ANO4: variants seen among roughly 807,000 people sequenced by gnomAD.
ANO4 encodes the protein anoctamin-4.
In ANO4, 69 loss-of-function variants were observed where a neutral mutation model predicts 141.9. The ratio of observed to expected loss-of-function variants is 0.49; its 90% CI spans 0.40 to 0.59. The LOEUF is 0.59. Among genes scored for constraint, ANO4 ranks in the 20% least tolerant of loss-of-function variants. The pLI is 0.00. For synonymous variants in ANO4, 350 were observed against 394.3 expected (o/e 0.89, Z 1.33); for missense variants, 894 against 1,162.2 (o/e 0.77, Z 3.36).
In ANO4 at chr12:100,770,061, A is replaced by G. The variant is rs2033230741; in HGVS notation, c.358+29956A>G. 2.0e-5 allele frequency among the ~76,000 whole-genome samples: 3 copies of G among 152,260 alleles called. No individual in the cohort carries two copies. In the South Asian group the frequency reaches 6.2e-4, roughly 31 times the overall value. ...CGTTATATTACTTTTAGAATTTATA[A>G]AAATGTTTGTCTCTGGTTGAATATT... On this transcript the variant is annotated intron_variant, in intron 3 of 29. Transcript: ENST00000644049.
At chr12:101,084,450 A>C (rs993102525) in intron 16 of ANO4, among the ~76,000 whole-genome samples, 1 of 152,242 alleles carries the variant, frequency 6.6e-6, no homozygotes, top group Non-Finnish European at 1.5e-5. Flanking sequence ...TTACTGAACA[A>C]AACATATGCA....
chr12:100,719,890 A>G (rs553030112), intron 1 of ANO4, among the ~76,000 whole-genome samples: 1 of 152,296 alleles, frequency 6.6e-6, no homozygotes, highest in South Asian at 2.1e-4. Context: ...CTAGACTCAC[A>G]TTCTAGAAAT....
intron 1 of ANO4, among the ~76,000 whole-genome samples, chr12:100,805,726 T>C (rs1942311439): frequency 6.6e-6 from 1 of 152,184 alleles, no homozygotes; most frequent in Admixed American, 6.5e-5. Context: ...TAGCAATCAC[T>C]TTCTTCTTCC....
At chr12:101,096,114 T>G (rs2049971927) in intron 18 of ANO4, among the ~76,000 whole-genome samples, 2 of 152,162 alleles carry the variant, frequency 1.3e-5, no homozygotes, top group Admixed American at 1.3e-4. Flanking sequence ...TGGTATAATA[T>G]GAGAACTAGA....
At chr12:101,061,988 T>A (rs988349226) in intron 14 of ANO4, among the ~76,000 whole-genome samples, 2 of 152,146 alleles carry the variant, frequency 1.3e-5, no homozygotes, top group Non-Finnish European at 2.9e-5. Flanking sequence ...TTCAGCCTTT[T>A]TGTGCTGTTT....
intron 5 of ANO4, among the ~76,000 whole-genome samples, chr12:100,959,816 G>A (rs1172151271): frequency 6.6e-6 from 1 of 152,058 alleles, no homozygotes; most frequent in Non-Finnish European, 1.5e-5. Context: ...ACTTGATCCT[G>A]GGTCCCCTTT....
At chr12:101,127,236 G>A (rs1320360569) in intron 27 of ANO4, among the ~76,000 whole-genome samples, 162 bp downstream of exon 27, 1 of 152,184 alleles carries the variant, frequency 6.6e-6, no homozygotes, top group African/African-American at 2.4e-5. Flanking sequence ...TTTAATCGTT[G>A]CAAATTTTGC....
intron 3 of ANO4, among the ~76,000 whole-genome samples, chr12:100,937,678 C>A (rs2042341481): frequency 6.6e-6 from 1 of 152,132 alleles, no homozygotes; most frequent in South Asian, 2.1e-4. Flanking sequence ...TGGCCTCAAA[C>A]AATATGTTTA....
intron 1 of ANO4, among the ~76,000 whole-genome samples, chr12:100,871,773 T>C (rs1244298891): frequency 2.6e-5 from 4 of 152,208 alleles, no homozygotes; most frequent in Non-Finnish European, 5.9e-5. Flanking sequence ...GAGGGAGCTC[T>C]CTGGAGTCTC....
At chr12:100,731,253 C>T (rs1298081410) in intron 1 of ANO4, among the ~76,000 whole-genome samples, 1 of 152,156 alleles carries the variant, frequency 6.6e-6, no homozygotes, top group Non-Finnish European at 1.5e-5. Context: ...TGCCTTTAGA[C>T]CAGTGTTGCA....
chr12:100,812,078 A>C (rs1232860353), intron 1 of ANO4, among the ~76,000 whole-genome samples: 1 of 152,054 alleles, frequency 6.6e-6, no homozygotes, highest in African/African-American at 2.4e-5. Flanking sequence ...CTCTCCCCCC[A>C]CAGACTGTAG....
chr12:100,794,792 GCTCT>G lies in ANO4; in HGVS notation c.-374_-371del, dbSNP rs1183354127. 6.6e-6 allele frequency: 1 copy of G among 152,214 alleles called. No homozygotes were observed. Among genetic ancestry groups the G allele is most frequent in the Non-Finnish European group, 1.5e-5 (1 of 68,104 alleles). 9.4% of individuals were successfully genotyped at this position (152,214 alleles called of 1,614,324 possible). ...CACCAGGCTGCTTTCACTCCGGCTC[GCTCT>G]CCGGAGAGTCCTGTTCCAGACTTCT... On this transcript the variant is annotated 5_prime_UTR_variant, in exon 1 of 28. Coordinates refer to ENST00000392977, the MANE Select transcript of ANO4 (RefSeq NM_001286615.2).
intron 8 of ANO4, among the ~76,000 whole-genome samples, chr12:100,989,569 G>GGATA (rs1401458390): frequency 6.7e-6 from 1 of 149,654 alleles, no homozygotes; most frequent in East Asian, 2.0e-4. Flanking sequence ...ATGGATGGAT[G>GGATA]GATGGATGGA....
intron 3 of ANO4, among the ~76,000 whole-genome samples, chr12:100,923,433 A>G (rs1308319074): frequency 6.6e-6 from 1 of 152,092 alleles, no homozygotes; most frequent in African/African-American, 2.4e-5. Context: ...GATGGTTTCC[A>G]GCTTCATCCA....
intron 6 of ANO4, among the ~76,000 whole-genome samples, chr12:100,972,727 C>T (rs976824910): frequency 2.6e-5 from 4 of 151,702 alleles, no homozygotes; most frequent in Non-Finnish European, 4.4e-5. Flanking sequence ...ACCTAAGAAC[C>T]GAAAGAGAAA....
chr12:100,898,331 TA>T (rs1320713405), intron 1 of ANO4, among the ~76,000 whole-genome samples: 98 of 152,352 alleles, frequency 6.4e-4, no homozygotes, highest in African/African-American at 2.3e-3. Context: ...GTATATTTTC[TA>T]TCTTGCATAC....
chr12:100,815,374 A>T (rs1247359150), intron 1 of ANO4, among the ~76,000 whole-genome samples: 1 of 152,178 alleles, frequency 6.6e-6, no homozygotes, highest in East Asian at 1.9e-4. Flanking sequence ...CTTTCAAAGT[A>T]TTTTTGATAT....
At chr12:100,869,026 A>G (rs2038900558) in intron 1 of ANO4, among the ~76,000 whole-genome samples, 1 of 152,200 alleles carries the variant, frequency 6.6e-6, no homozygotes, top group Non-Finnish European at 1.5e-5. Context: ...GTTCAGTTGA[A>G]CCACATAAAC....
In ANO4 at chr12:100,962,292, CTG is replaced by C. The variant is rs1419687855; in HGVS notation, c.457-9009_457-9008del. ...TTTAGGAAGCATTCCTTCTCAATGA[CTG>C]TGTGCTCAGTAACATGCTGGGTGCT... On this transcript the variant is annotated intron_variant, in intron 5 of 27. Coordinates refer to ENST00000392977, the MANE Select transcript of ANO4 (RefSeq NM_001286615.2). Among the ~76,000 whole-genome samples, 3 of 152,148 alleles carry C rather than the reference CTG, an allele frequency of 2.0e-5. No homozygotes were observed. In the East Asian group the frequency reaches 5.8e-4, roughly 29 times the overall value.
Sources: allele counts gnomAD v4.1 joint callset (sites outside exome capture counted in the v4.1 genomes callset), GRCh38; gene constraint gnomAD v4.1.1; transcripts MANE v1.5; gene names NCBI Gene and HGNC (gene_info 2026-07-23, HGNC 2026-07-21).